The following NHERF1 variants were observed in gnomAD, a reference collection of about 807,000 sequenced individuals.
The protein encoded by NHERF1 is Na(+)/H(+) exchange regulatory cofactor NHE-RF1.
chr17:74,763,775 A>G, the NHERF1 span, among the ~76,000 whole-genome samples: 2 of 152,206 alleles, frequency 1.3e-5, no homozygotes, highest in African/African-American at 4.8e-5. Context: ...AGAGATGGAC[A>G]GATCTTCTTA....
At chr17:74,763,651 C>T in the NHERF1 span, 1 of 901,298 alleles carries the variant, frequency 1.1e-6, no homozygotes, top group Non-Finnish European at 1.7e-6. Flanking sequence ...CCCTCCTCCT[C>T]CTTCATGGGA....
At chr17:74,748,914 G>A in the NHERF1 span, 1 of 1,601,354 alleles carries the variant, frequency 6.2e-7, no homozygotes, top group Non-Finnish European at 8.5e-7. The surrounding 1 kb of genome is among the most constrained non-coding windows in gnomAD (Gnocchi z 4.3). Context: ...GGTCCGAACG[G>A]CTACGGCTTC....
the NHERF1 span, among the ~76,000 whole-genome samples, chr17:74,751,853 C>G: frequency 6.6e-6 from 1 of 152,280 alleles, no homozygotes; most frequent in South Asian, 2.1e-4. The surrounding 1 kb of genome is among the most constrained non-coding windows in gnomAD (Gnocchi z 4.3). Flanking sequence ...GCCAAGTTAC[C>G]TCACCTCTGT....
the NHERF1 span, chr17:74,748,975 G>C: frequency 6.2e-7 from 1 of 1,607,096 alleles, no homozygotes; most frequent in Non-Finnish European, 8.5e-7. This position sits in a 1 kb window ranked among gnomAD's most constrained non-coding sequence, Gnocchi z 4.3. Flanking sequence ...GGCTGGTGGA[G>C]CCCGGCTCGC....
the NHERF1 span, among the ~76,000 whole-genome samples, chr17:74,751,674 C>T: frequency 3.9e-5 from 6 of 152,348 alleles, no homozygotes; most frequent in South Asian, 2.1e-4. This position sits in a 1 kb window ranked among gnomAD's most constrained non-coding sequence, Gnocchi z 4.3. Context: ...CCGCCTGCCC[C>T]GTGGGGAGAG....
At chr17:74,766,390 A>G in the NHERF1 span, among the ~76,000 whole-genome samples, 1 of 151,858 alleles carries the variant, frequency 6.6e-6, no homozygotes, top group Non-Finnish European at 1.5e-5. Flanking sequence ...TTTAGTAGAG[A>G]CGGGGTTTCA....
At chr17:74,762,607 G>A in the NHERF1 span, among the ~76,000 whole-genome samples, 100 of 151,934 alleles carry the variant, frequency 6.6e-4, no homozygotes, top group African/African-American at 2.3e-3. The surrounding 1 kb of genome is among the most constrained non-coding windows in gnomAD (Gnocchi z 4.2). Flanking sequence ...CAGGCTGGGG[G>A]AGTGCAGTGG....
the NHERF1 span, chr17:74,768,989 T>C: frequency 3.1e-5 from 12 of 384,790 alleles, no homozygotes; most frequent in Admixed American, 4.3e-5. Flanking sequence ...CACCCTCCCT[T>C]CCTCCCCCAT....
At chr17:74,762,562 T>TG in the NHERF1 span, among the ~76,000 whole-genome samples, 1 of 149,978 alleles carries the variant, frequency 6.7e-6, no homozygotes, top group Admixed American at 6.6e-5. The surrounding 1 kb of genome is among the most constrained non-coding windows in gnomAD (Gnocchi z 4.2). Flanking sequence ...TTTATTTAGT[T>TG]TTTTTTTTTT....
chr17:74,754,601 C>T, the NHERF1 span, among the ~76,000 whole-genome samples: 3 of 151,950 alleles, frequency 2.0e-5, no homozygotes, highest in African/African-American at 7.2e-5. Flanking sequence ...CGGAGTTTCA[C>T]CACGGTGGCC....
At chr17:74,763,307 A>C in the NHERF1 span, 1 of 1,555,202 alleles carries the variant, frequency 6.4e-7, no homozygotes, top group Non-Finnish European at 8.8e-7. Flanking sequence ...ACCCCCCTCC[A>C]CTTACCTGCC....
At chr17:74,762,560 G>GT in the NHERF1 span, among the ~76,000 whole-genome samples, 3,406 of 147,160 alleles carry the variant, frequency 0.023, 45 homozygotes, top group East Asian at 0.045. The surrounding 1 kb of genome is among the most constrained non-coding windows in gnomAD (Gnocchi z 4.2). Context: ...TATTTATTTA[G>GT]TTTTTTTTTT....
At chr17:74,765,940 T>TG in the NHERF1 span, among the ~76,000 whole-genome samples, 3 of 152,104 alleles carry the variant, frequency 2.0e-5, no homozygotes, top group Non-Finnish European at 4.4e-5. Flanking sequence ...GGGAAGCGTT[T>TG]GGAAAATGTT....
chr17:74,768,524 C>T, the NHERF1 span: 3 of 1,614,076 alleles, frequency 1.9e-6, no homozygotes, highest in African/African-American at 2.7e-5. Flanking sequence ...CGTCTACCTC[C>T]TCCTCCGACC....
chr17:74,755,406 G>A, the NHERF1 span, among the ~76,000 whole-genome samples: 1 of 152,180 alleles, frequency 6.6e-6, no homozygotes, highest in Non-Finnish European at 1.5e-5. Context: ...CCCCTCAAGG[G>A]TGGTCTTCAC....
At chr17:74,748,658 G>T in the NHERF1 span, 571 of 579,436 alleles carry the variant, frequency 9.9e-4, 1 homozygote, top group Non-Finnish European at 1.5e-3. This position sits in a 1 kb window ranked among gnomAD's most constrained non-coding sequence, Gnocchi z 4.3. Flanking sequence ...ATTGGTCTGT[G>T]GTCCTCTCTC....
the NHERF1 span, chr17:74,748,673 CCTCGCGG>C: frequency 1.7e-6 from 1 of 600,568 alleles, no homozygotes; most frequent in Non-Finnish European, 2.9e-6. This position sits in a 1 kb window ranked among gnomAD's most constrained non-coding sequence, Gnocchi z 4.3. Flanking sequence ...TCTCTCGGCT[CCTCGCGG>C]CTCGCGGCGG....
chr17:74,753,824 C>T, the NHERF1 span, among the ~76,000 whole-genome samples: 2 of 151,918 alleles, frequency 1.3e-5, no homozygotes, highest in South Asian at 2.1e-4. Flanking sequence ...TGTCCCATCT[C>T]AATGGTCCCT....
the NHERF1 span, chr17:74,762,199 C>CT: frequency 1.2e-3 from 1,878 of 1,612,416 alleles, no homozygotes; most frequent in Non-Finnish European, 1.5e-3. This position sits in a 1 kb window ranked among gnomAD's most constrained non-coding sequence, Gnocchi z 4.2. Context: ...CTCTTCCTAT[C>CT]TGACTGCCCC....
Sources: allele counts gnomAD v4.1 joint callset (sites outside exome capture counted in the v4.1 genomes callset), GRCh38; gene constraint gnomAD v4.1.1; non-coding constraint Gnocchi (gnomAD v3.1); transcripts MANE v1.5; gene names NCBI Gene and HGNC (gene_info 2026-07-23, HGNC 2026-07-21).